PPP2R3B: variants seen among roughly 807,000 people sequenced by gnomAD.
PPP2R3B encodes protein phosphatase 2 regulatory subunit B''beta.
A neutral mutation model predicts 72.9 loss-of-function variants in PPP2R3B; 68 were observed. The observed-to-expected ratio is 0.93, with a 90% confidence interval of 0.77 to 1.14. PPP2R3B has a LOEUF of 1.14. Ranked by LOEUF, PPP2R3B falls within the 50% of genes most tolerant of loss-of-function variation. The pLI is 0.00. For missense variants in PPP2R3B, 1,018 were observed against 842.0 expected, an observed-to-expected ratio of 1.21 and a Z score of -2.59; for synonymous variants, 466 against 375.8, an observed-to-expected ratio of 1.24 and a Z score of -2.78.
At chrX:354,380 G>A (rs1224808215) in intron 2 of PPP2R3B, among the ~76,000 whole-genome samples, 8 of 128,294 alleles carry the variant, frequency 6.2e-5, no homozygotes. Flanking sequence ...GCACGCTGCG[G>A]TGGAACAGGG....
chrX:375,211 C>T (rs2071962796), intron 1 of PPP2R3B, among the ~76,000 whole-genome samples: 1 of 152,222 alleles, frequency 6.6e-6, no homozygotes, highest in Non-Finnish European at 1.5e-5. Context: ...CGGCCTCTGA[C>T]CCCCGGTAAG....
intron 7 of PPP2R3B, among the ~76,000 whole-genome samples, chrX:344,110 T>A (rs183861289): frequency 6.9e-5 from 1 of 14,538 alleles, no homozygotes; most frequent in Non-Finnish European, 1.3e-4. Context: ...GAGGCGGGAG[T>A]GAGACCTCAC....
Position 334,306 on chromosome X carries a change from CGCGGTGGCCCG to C in PPP2R3B, c.*50_*60del, listed in dbSNP as rs1039561807. 277 of 1,418,404 alleles carry C rather than the reference CGCGGTGGCCCG, an allele frequency of 2.0e-4. No homozygotes were observed. The African/African-American group carries it at 3.3e-3, about 17-fold the overall frequency. 87.9% of individuals were successfully genotyped at this position (1,418,404 alleles called of 1,614,324 possible). ...TTTCCACAACAGTTTTTACACGAGC[CGCGGTGGCCCG>C]GTGGTGGCACGTGGGGAGCGGCCCC... On this transcript the variant is annotated 3_prime_UTR_variant, in exon 13 of 13. Transcript: ENST00000390665.
At chrX:354,583 C>T (rs180835271) in intron 2 of PPP2R3B, among the ~76,000 whole-genome samples, 3 of 152,356 alleles carry the variant, frequency 2.0e-5, no homozygotes, top group Non-Finnish European at 4.4e-5. Context: ...CGTGATGGCT[C>T]ATGCCTGTCA....
At chrX:347,423 T>A in intron 3 of PPP2R3B, 87 bp from the exon 4 acceptor site, 1 of 1,398,180 alleles carries the variant, frequency 7.2e-7, no homozygotes, top group Non-Finnish European at 1.0e-6. Flanking sequence ...TGTGTGGTGT[T>A]CCACGTGGTG....
intron 1 of PPP2R3B, among the ~76,000 whole-genome samples, chrX:379,509 G>A (rs754025931): frequency 2.0e-5 from 3 of 152,314 alleles, no homozygotes; most frequent in East Asian, 3.9e-4. Context: ...ACGCACGCCC[G>A]TGTTTATCTC....
intron 1 of PPP2R3B, chrX:373,447 G>C (rs1204545992): frequency 1.3e-5 from 2 of 152,126 alleles, no homozygotes; most frequent in African/African-American, 2.4e-5. Flanking sequence ...GCGAGCGGGG[G>C]CCCACGCGGG....
chrX:343,883 G>GGAGGCGGGAGGGAGACCTCACCAAGGA (rs1379809117), intron 7 of PPP2R3B, among the ~76,000 whole-genome samples: 2 of 54,420 alleles, frequency 3.7e-5, no homozygotes, highest in Non-Finnish European at 7.1e-5. Context: ...CTCAGCAACG[G>GGAGGCGGGAGGGAGACCTCACCAAGGA]GAGGCGGGAG....
intron 1 of PPP2R3B, among the ~76,000 whole-genome samples, chrX:361,986 G>A (rs754201315): frequency 3.9e-5 from 6 of 152,254 alleles, no homozygotes; most frequent in East Asian, 3.9e-4. Context: ...GGGCAGCCAC[G>A]CACCCCAGAC....
At chrX:359,429 TGA>T in intron 2 of PPP2R3B, among the ~76,000 whole-genome samples, 1 of 152,372 alleles carries the variant, frequency 6.6e-6, no homozygotes, top group Non-Finnish European at 1.5e-5. Flanking sequence ...AAGTTTTTAC[TGA>T]GAGATGAAAC....
Position 338,704 on chromosome X carries a change from C to G in PPP2R3B, c.1477G>C (p.Asp493His). 6.2e-7 allele frequency: 1 copy of G among 1,611,924 alleles called. No homozygotes were observed. The highest frequency in any genetic ancestry group is 8.5e-7 in the Non-Finnish European group (1 of 1,179,666). The change falls in exon 12 of 13, where the codon GAC (aspartate) becomes CAC (histidine). Residue 493 changes from aspartate (D) to histidine (H), a missense_variant. Coordinates refer to ENST00000390665, the MANE Select transcript of PPP2R3B (RefSeq NM_013239.5). ...TCCGAGAGCTCGGGGCCGCCGCTGT[C>G]ACCGTCCTGGAGGAAGCACACGGGT... ...KEQISLLRDG[D>H]SGGPELSDWE...
rs185520868 is a variant in PPP2R3B, at chrX:376,062, G to A, written c.324+10306C>T. On this transcript the variant is annotated intron_variant, in intron 1 of 12. Coordinates refer to ENST00000390665, the MANE Select transcript of PPP2R3B (RefSeq NM_013239.5). ...CAAAATTAGCTGGGCATGGTGGCGG[G>A]TGCCTGTCATCCCAGCTACTTGGGA... Among the ~76,000 whole-genome samples, 468 of 152,274 alleles carry A rather than the reference G, an allele frequency of 3.1e-3. 4 individuals are homozygous for A. Among genetic ancestry groups the A allele is most frequent in the African/African-American group, 0.011 (449 of 41,550 alleles).
At chrX:376,327 C>T (rs1474618840) in intron 1 of PPP2R3B, among the ~76,000 whole-genome samples, 1 of 152,326 alleles carries the variant, frequency 6.6e-6, no homozygotes, top group East Asian at 1.9e-4. Flanking sequence ...CCCCCTGGAG[C>T]CCTTGCGTCC....
intron 2 of PPP2R3B, among the ~76,000 whole-genome samples, chrX:348,848 A>G (rs770790633): frequency 3.3e-5 from 5 of 152,072 alleles, no homozygotes; most frequent in African/African-American, 1.2e-4. Context: ...TGAAGGAAGA[A>G]ATCACACATG....
At chrX:361,307 A>C in intron 2 of PPP2R3B, 98 bp downstream of exon 2, 1 of 1,377,266 alleles carries the variant, frequency 7.3e-7, no homozygotes, top group Non-Finnish European at 1.0e-6. Context: ...CGCCTCACTC[A>C]CGCTCGTGTG....
chrX:339,011 GCT>G (rs1411552365), intron 10 of PPP2R3B, 115 bp from the exon 11 acceptor site: 44 of 847,944 alleles, frequency 5.2e-5, no homozygotes, highest in Non-Finnish European at 8.7e-5. Flanking sequence ...GAAGCTCCGG[GCT>G]CTCACGCCAC....
At chrX:352,341 C>T (rs1236854785) in intron 2 of PPP2R3B, among the ~76,000 whole-genome samples, 1 of 152,260 alleles carries the variant, frequency 6.6e-6, no homozygotes, top group Non-Finnish European at 1.5e-5. Flanking sequence ...GGAACGAGGC[C>T]GCCAGCCCTG....
rs2071138648 is a variant in PPP2R3B, at chrX:344,088, C to CGT, written c.1036+1427_1036+1428insAC. 1.4e-5 allele frequency among the ~76,000 whole-genome samples: 2 copies of CGT among 140,738 alleles called. 1 individual carries two copies. The highest frequency in any genetic ancestry group is 5.3e-5 in the African/African-American group (2 of 37,512). 92.3% of individuals were successfully genotyped at this position (140,738 alleles called of 152,430 possible). ...TCGCCAACGGGAGGCGGGAGGGAGA[C>CGT]CTCACCAACGGGAGGCGGGAGTGAG... On this transcript the variant is annotated intron_variant, in intron 7 of 12. Transcript: ENST00000390665.
In PPP2R3B at chrX:341,870, G is replaced by A; in HGVS notation, c.1085+13C>T. On this transcript the variant is annotated intron_variant, in intron 8 of 12. Coordinates refer to ENST00000390665, the MANE Select transcript of PPP2R3B (RefSeq NM_013239.5). Reference sequence around the variant, plus strand: ...GGGCAATGGCTGCCGTCAGGCGCCTGAGCCGTACGTACCGTGTGACTGCTC... The same window carrying A: ...GGGCAATGGCTGCCGTCAGGCGCCTAAGCCGTACGTACCGTGTGACTGCTC... 6.2e-7 allele frequency: 1 copy of A among 1,612,594 alleles called. No individual in the cohort carries two copies. Among genetic ancestry groups the A allele is most frequent in the Non-Finnish European group, 8.5e-7 (1 of 1,179,690 alleles).
Sources: allele counts gnomAD v4.1 joint callset (sites outside exome capture counted in the v4.1 genomes callset), GRCh38; gene constraint gnomAD v4.1.1; transcripts MANE v1.5; gene names NCBI Gene and HGNC (gene_info 2026-07-23, HGNC 2026-07-21).